Variants in LDLRAD4 observed in about 807,000 individuals in gnomAD.
The protein encoded by LDLRAD4 is low-density lipoprotein receptor class A domain-containing protein 4.
LDLRAD4 carries 5 observed loss-of-function variants against 17.0 expected under a neutral mutation model. That is an observed-to-expected ratio of 0.29 (90% CI 0.15 to 0.62). The LOEUF is 0.62. LDLRAD4 is among the 20% of genes least tolerant of loss of function. The probability of loss-of-function intolerance (pLI) is 0.84; values close to 1 mark genes in which losing one functional copy is unlikely to be tolerated. For missense variants in LDLRAD4, 340 were observed against 424.7 expected, an observed-to-expected ratio of 0.80 and a Z score of 1.75; for synonymous variants, 168 against 171.8, an observed-to-expected ratio of 0.98 and a Z score of 0.17.
At chr18:13,576,194 C>T (rs1389846693) in intron 3 of LDLRAD4, among the ~76,000 whole-genome samples, 6 of 152,066 alleles carry the variant, frequency 3.9e-5, no homozygotes, top group African/African-American at 1.2e-4. Context: ...GAGGCCAAGA[C>T]GGGTGGATCA....
intron 1 of LDLRAD4, among the ~76,000 whole-genome samples, chr18:13,262,615 C>T (rs1330640453): frequency 0.025 from 1,234 of 49,914 alleles, 4 homozygotes; most frequent in African/African-American, 0.05. Flanking sequence ...CGGCCCTGTG[C>T]GTGGAAACTG....
At chr18:13,459,329 T>G (rs572864241) in intron 3 of LDLRAD4, among the ~76,000 whole-genome samples, 50 of 151,700 alleles carry the variant, frequency 3.3e-4, no homozygotes, top group African/African-American at 1.2e-3. Context: ...AGACTGAGAC[T>G]TAGTCTGAAA....
chr18:13,506,313 C>T (rs989977175), intron 3 of LDLRAD4, among the ~76,000 whole-genome samples: 7 of 151,252 alleles, frequency 4.6e-5, no homozygotes, highest in Non-Finnish European at 8.8e-5. Flanking sequence ...GTTGGTGTGC[C>T]GCACCCATTA....
intron 4 of LDLRAD4, among the ~76,000 whole-genome samples, chr18:13,630,370 C>A (rs753965485): frequency 6.6e-6 from 1 of 151,858 alleles, no homozygotes; most frequent in Non-Finnish European, 1.5e-5. Flanking sequence ...GTGGAAAGGA[C>A]GGTAGTGATA....
chr18:13,352,239 A>G (rs879067416), intron 1 of LDLRAD4, among the ~76,000 whole-genome samples: 2 of 152,224 alleles, frequency 1.3e-5, no homozygotes, highest in East Asian at 3.8e-4. Context: ...CTTCTATTCA[A>G]CATAGTGTTG....
At chr18:13,468,531 C>A (rs987637599) in intron 3 of LDLRAD4, among the ~76,000 whole-genome samples, 3 of 152,130 alleles carry the variant, frequency 2.0e-5, no homozygotes, top group African/African-American at 7.2e-5. Context: ...AATCATGCTG[C>A]TATAAAGACA....
chr18:13,652,489 A>G (rs2043287534), exon 6 of LDLRAD4: 1 of 152,662 alleles, frequency 6.6e-6, no homozygotes, highest in Admixed American at 6.5e-5. Flanking sequence ...AAAAGTCATT[A>G]AAGTCTTTTT....
chr18:13,593,450 A>C (rs528678341), intron 3 of LDLRAD4, among the ~76,000 whole-genome samples: 1 of 152,124 alleles, frequency 6.6e-6, no homozygotes, highest in Non-Finnish European at 1.5e-5. Context: ...TACAGAGGAG[A>C]CTCTGAAGAG....
intron 3 of LDLRAD4, among the ~76,000 whole-genome samples, chr18:13,519,487 G>A (rs1035941067): frequency 7.9e-5 from 12 of 152,320 alleles, no homozygotes; most frequent in African/African-American, 2.6e-4. Flanking sequence ...TGGGCCAGGC[G>A]CAGTGACTCA....
intron 3 of LDLRAD4, among the ~76,000 whole-genome samples, chr18:13,567,418 C>A (rs1447525456): frequency 6.6e-6 from 1 of 152,206 alleles, no homozygotes; most frequent in Non-Finnish European, 1.5e-5. Flanking sequence ...GGCCTGCTGC[C>A]GTAGGGCCTG....
chr18:13,582,372 G>T (rs1000015134), intron 3 of LDLRAD4, among the ~76,000 whole-genome samples: 1 of 152,236 alleles, frequency 6.6e-6, no homozygotes, highest in African/African-American at 2.4e-5. Flanking sequence ...TGGTAGCTGC[G>T]CCATCAATCA....
intron 3 of LDLRAD4, among the ~76,000 whole-genome samples, chr18:13,560,316 A>T (rs1265709900): frequency 6.6e-6 from 1 of 151,964 alleles, no homozygotes; most frequent in East Asian, 1.9e-4. Flanking sequence ...CCGGCTGCTC[A>T]CCTTTTCTCT....
intron 3 of LDLRAD4, among the ~76,000 whole-genome samples, chr18:13,475,427 A>AT (rs35255496): frequency 0.078 from 10,207 of 131,012 alleles, 583 homozygotes; most frequent in East Asian, 0.18. Flanking sequence ...CACCCCGCTG[A>AT]TTTTTTTTTT....
chr18:13,611,490 C>A, intron 3 of LDLRAD4: 2 of 984,894 alleles, frequency 2.0e-6, no homozygotes, highest in South Asian at 4.7e-5. Flanking sequence ...TCCGAATGCA[C>A]GGGAGATGTT....
chr18:13,572,218 G>A (rs1273618908), intron 3 of LDLRAD4, among the ~76,000 whole-genome samples: 1 of 152,216 alleles, frequency 6.6e-6, no homozygotes, highest in East Asian at 1.9e-4. Context: ...GTACTACATT[G>A]GGGGTAGTGA....
At chr18:13,624,948 C>T (rs998166564) in intron 4 of LDLRAD4, among the ~76,000 whole-genome samples, 24 of 152,232 alleles carry the variant, frequency 1.6e-4, no homozygotes, top group African/African-American at 5.3e-4. Flanking sequence ...TATCAGGGCC[C>T]CTGCAAGCCC....
In LDLRAD4 at chr18:13,468,916, G is replaced by A. The variant is rs183329014; in HGVS notation, c.181+30532G>A. On this transcript the variant is annotated intron_variant, in intron 3 of 5. Transcript: ENST00000359446. ...CCTAATGTTAAATGACGAGTTAATG[G>A]GTGCAGCACACCAACATGGCACGTG... Among the ~76,000 whole-genome samples, 1,025 of 151,036 alleles carry A rather than the reference G, an allele frequency of 6.8e-3. 16 individuals carry two copies. Among genetic ancestry groups the A allele is most frequent in the African/African-American group, 0.023 (964 of 41,064 alleles).
At chr18:13,435,695 G>A (rs1046596247) in intron 2 of LDLRAD4, among the ~76,000 whole-genome samples, 26 of 152,200 alleles carry the variant, frequency 1.7e-4, no homozygotes, top group African/African-American at 5.6e-4. Context: ...TGATCCTCCT[G>A]CCTCTGCCTC....
intron 1 of LDLRAD4, among the ~76,000 whole-genome samples, chr18:13,322,791 T>TG (rs2081326903): frequency 6.7e-6 from 1 of 149,464 alleles, no homozygotes; most frequent in East Asian, 2.0e-4. Context: ...CTAATTTTTT[T>TG]TTTTTTTTTT....
Sources: gnomAD v4.1 joint callset for allele counts (sites outside exome capture counted in the v4.1 genomes callset) on GRCh38, gnomAD v4.1.1 for gene constraint, MANE v1.5 for transcripts, NCBI Gene and HGNC (gene_info 2026-07-23, HGNC 2026-07-21) for gene names.